The following ZC4H2 variants were observed in gnomAD, a reference collection of about 807,000 sequenced individuals.
The protein encoded by ZC4H2 is zinc finger C4H2-type containing, also known as zinc finger C4H2 domain-containing protein.
For synonymous variants in ZC4H2, 84 were observed against 66.3 expected, an observed-to-expected ratio of 1.27 and a Z score of -1.30; for missense variants, 137 against 173.9, an observed-to-expected ratio of 0.79 and a Z score of 1.19.
chrX:64,922,610 T>C (rs1387134155), intron 1 of ZC4H2, among the ~76,000 whole-genome samples: 2 of 112,474 alleles, frequency 1.8e-5, no homozygotes, highest in Non-Finnish European at 1.9e-5. Context: ...AGATGCTAAA[T>C]AGCCTCTCAA....
chrX:65,023,591 A>T (rs1029049038), intron 1 of ZC4H2, among the ~76,000 whole-genome samples: 5 of 112,184 alleles, frequency 4.5e-5, no homozygotes, highest in Non-Finnish European at 9.4e-5. Flanking sequence ...GGTGATGATT[A>T]AAAAGTCAGG....
rs1271918993 is a variant in ZC4H2 at position 64,955,069 on chromosome X, A to T, written c.53+21256T>A. Among the ~76,000 whole-genome samples, 3 of 111,317 alleles carry T rather than the reference A, an allele frequency of 2.7e-5. No homozygotes were observed. In the East Asian group the frequency reaches 8.5e-4, roughly 32 times the overall value. ...GTTATTAAAGGTTCTGTATTCTGTGACTCATCATGGAAAAGACAAAATGAT... is the reference window on the plus strand; with the variant it reads ...GTTATTAAAGGTTCTGTATTCTGTGTCTCATCATGGAAAAGACAAAATGAT... On this transcript the variant is annotated intron_variant, in intron 1 of 4. Coordinates refer to ENST00000374839, the MANE Select transcript of ZC4H2 (RefSeq NM_018684.4).
At chrX:64,944,570 C>T (rs750928291) in intron 1 of ZC4H2, among the ~76,000 whole-genome samples, 1 of 110,913 alleles carries the variant, frequency 9.0e-6, no homozygotes, top group Non-Finnish European at 1.9e-5. Context: ...GGTTGCTCTT[C>T]TTGAGGAGTA....
In ZC4H2 at chrX:64,937,973, C is replaced by CA. The variant is rs750799511; in HGVS notation, c.54-15986dup. 1.0e-4 allele frequency among the ~76,000 whole-genome samples: 11 copies of CA among 109,770 alleles called. No individual in the cohort carries two copies. In the East Asian group the frequency reaches 2.9e-3, roughly 29 times the overall value. ...GGAGCTAGAGACATGAAAAAACCTT[C>CA]AAAAAAATCAATGAATTCAAGAGCT... On this transcript the variant is annotated intron_variant, in intron 1 of 4. Coordinates refer to ENST00000374839, the MANE Select transcript of ZC4H2 (RefSeq NM_018684.4).
chrX:64,950,959 T>C (rs1438093669), intron 1 of ZC4H2, among the ~76,000 whole-genome samples: 2 of 109,896 alleles, frequency 1.8e-5, no homozygotes, highest in Non-Finnish European at 3.8e-5. Context: ...CTCCCCACTC[T>C]CCCCACCCCA....
intron 1 of ZC4H2, among the ~76,000 whole-genome samples, chrX:64,923,953 T>G (rs1265313273): frequency 4.5e-5 from 5 of 111,942 alleles, no homozygotes; most frequent in Admixed American, 9.5e-5. Context: ...TCAACTGTCT[T>G]GCAGAGGGAA....
intron 1 of ZC4H2, among the ~76,000 whole-genome samples, chrX:64,999,043 T>A (rs1932477572): frequency 1.2e-5 from 1 of 80,939 alleles, no homozygotes; most frequent in Non-Finnish European, 2.1e-5. Context: ...TTATGTGTTT[T>A]TTTTTTTTTT....
upstream of ZC4H2, among the ~76,000 whole-genome samples, chrX:64,979,329 A>G (rs1015592601): frequency 5.3e-5 from 6 of 112,743 alleles, no homozygotes; most frequent in African/African-American, 1.6e-4. Context: ...AGCATGTCCC[A>G]TGCTTCCAAC....
intron 1 of ZC4H2, among the ~76,000 whole-genome samples, chrX:64,990,250 T>C (rs1379549282): frequency 9.0e-6 from 1 of 111,582 alleles, no homozygotes; most frequent in Non-Finnish European, 1.9e-5. Flanking sequence ...TTATGCTGAG[T>C]AAAAAAATGT....
intron 1 of ZC4H2, among the ~76,000 whole-genome samples, chrX:65,014,950 C>T (rs1022423566): frequency 3.6e-5 from 4 of 111,632 alleles, no homozygotes; most frequent in African/African-American, 1.3e-4. Context: ...AAATGAACTG[C>T]CTAAACAACT....
intron 3 of ZC4H2, 49 bp downstream of exon 3, chrX:64,920,032 G>T (rs751117038): frequency 7.4e-5 from 86 of 1,164,375 alleles, no homozygotes; most frequent in Non-Finnish European, 9.2e-5. Context: ...AAGTATGTAT[G>T]TGGGTCGGAG....
chrX:64,951,427 A>C (rs889406600), intron 1 of ZC4H2, among the ~76,000 whole-genome samples: 1 of 111,654 alleles, frequency 9.0e-6, no homozygotes, highest in Non-Finnish European at 1.9e-5. Flanking sequence ...ACAGTGTAAA[A>C]GTGTTCCTAT....
intron 1 of ZC4H2, 50 bp downstream of exon 1, chrX:64,976,275 C>A: frequency 8.5e-7 from 1 of 1,178,744 alleles, no homozygotes; most frequent in African/African-American, 1.7e-5. Context: ...AGCCCTCTCC[C>A]GCAACGAAGG....
chrX:64,948,528 A>G (rs1461249189), intron 1 of ZC4H2, among the ~76,000 whole-genome samples: 1 of 111,932 alleles, frequency 8.9e-6, no homozygotes, highest in Non-Finnish European at 1.9e-5. Flanking sequence ...TTTCTGAAGA[A>G]CTGAGTTCCT....
intron 1 of ZC4H2, among the ~76,000 whole-genome samples, chrX:64,966,940 G>A (rs1931613802): frequency 9.0e-6 from 1 of 111,087 alleles, no homozygotes; most frequent in South Asian, 3.7e-4. Context: ...GTTTCCTATG[G>A]TATATAAAAT....
rs1033468109 is a variant in ZC4H2, at chrX:64,958,798, G to T, written c.53+17527C>A. Among the ~76,000 whole-genome samples the T allele has an allele frequency of 3.6e-5, 4 of 111,505 alleles. No homozygotes were observed. In the Admixed American group the frequency reaches 3.8e-4, roughly 11 times the overall value. On this transcript the variant is annotated intron_variant, in intron 1 of 4. Coordinates refer to ENST00000374839, the MANE Select transcript of ZC4H2 (RefSeq NM_018684.4). ...GCAGTGCATAAGGGCTCTTGTATCT[G>T]TGTTTGCATTCAGAAAGATGGAGAA...
At chrX:64,983,042 G>A (rs1362233453) in intron 1 of ZC4H2, among the ~76,000 whole-genome samples, 4 of 111,162 alleles carry the variant, frequency 3.6e-5, no homozygotes, top group Non-Finnish European at 7.5e-5. Context: ...CATATATCAC[G>A]TATAATTGCC....
Position 65,012,457 on chromosome X carries a change from C to G in ZC4H2, c.-272+22172G>C, listed in dbSNP as rs182549807. 2.4e-3 allele frequency among the ~76,000 whole-genome samples: 267 copies of G among 111,051 alleles called. 1 individual carries two copies. The highest frequency in any genetic ancestry group is 8.4e-3 in the African/African-American group (258 of 30,591). ...TCTTGTGTAACACACTTAGAAGAACCAAGTTATGTCTCAGAGAACTGGAAA... is the reference window on the plus strand; with the variant it reads ...TCTTGTGTAACACACTTAGAAGAACGAAGTTATGTCTCAGAGAACTGGAAA... On this transcript the variant is annotated intron_variant, in intron 1 of 4. Transcript: ENST00000337990.
chrX:64,933,597 T>A (rs1056911032), intron 1 of ZC4H2, among the ~76,000 whole-genome samples: 2 of 111,087 alleles, frequency 1.8e-5, no homozygotes, highest in African/African-American at 6.6e-5. Flanking sequence ...TGATTCTTGG[T>A]GATTTTAGGA....
Sources: gnomAD v4.1 joint callset for allele counts (sites outside exome capture counted in the v4.1 genomes callset) on GRCh38, gnomAD v4.1.1 for gene constraint, MANE v1.5 for transcripts, NCBI Gene and HGNC (gene_info 2026-07-23, HGNC 2026-07-21) for gene names.